GRM8: variants seen among roughly 807,000 people sequenced by gnomAD.
GRM8 encodes the protein glutamate metabotropic receptor 8.
GRM8 carries 47 observed loss-of-function variants against 87.2 expected under a neutral mutation model. The ratio of observed to expected loss-of-function variants is 0.54; its 90% confidence interval spans 0.43 to 0.69. The LOEUF is 0.69. GRM8 is among the 30% of genes least tolerant of loss of function. The pLI is 0.00. For synonymous variants in GRM8, 396 were observed against 404.5 expected (o/e 0.98, Z 0.25); for missense variants, 1,019 against 1,139.2 (o/e 0.89, Z 1.52).
At chr7:127,241,436 T>A (rs202209663) in intron 2 of GRM8, among the ~76,000 whole-genome samples, 1 of 140,710 alleles carries the variant, frequency 7.1e-6, no homozygotes, top group Admixed American at 7.4e-5. Context: ...CTTTTTTTTT[T>A]CTTTTTTTTT....
chr7:126,686,633 CCAGT>C (rs1163685666), intron 7 of GRM8, among the ~76,000 whole-genome samples: 3 of 152,328 alleles, frequency 2.0e-5, no homozygotes, highest in South Asian at 2.1e-4. Flanking sequence ...GCAGCAGCAG[CCAGT>C]GTGTCTTGCT....
chr7:126,984,458 G>C (rs1391911772), intron 3 of GRM8, among the ~76,000 whole-genome samples: 3 of 152,138 alleles, frequency 2.0e-5, no homozygotes, highest in Non-Finnish European at 4.4e-5. Context: ...TATAAAGTGG[G>C]CAGAAAAATG....
At chr7:126,837,676 C>G (rs1795928451) in intron 6 of GRM8, among the ~76,000 whole-genome samples, 1 of 152,212 alleles carries the variant, frequency 6.6e-6, no homozygotes, top group African/African-American at 2.4e-5. Flanking sequence ...GTGGTCTCAT[C>G]TTTTTTCACC....
intron 2 of GRM8, among the ~76,000 whole-genome samples, chr7:127,212,407 GTTATTT>G (rs1796263645): frequency 1.7e-5 from 2 of 118,422 alleles, no homozygotes; most frequent in Non-Finnish European, 1.7e-5. Flanking sequence ...AGGACATGGT[GTTATTT>G]TTTTTTTTTT....
In GRM8 at chr7:126,985,620, C is replaced by T. The variant is rs76919671; in HGVS notation, c.728-80937G>A. Among the ~76,000 whole-genome samples, 434 of 152,258 alleles carry T rather than the reference C, an allele frequency of 2.9e-3. 5 individuals are homozygous for T. Among genetic ancestry groups the T allele is most frequent in the African/African-American group, 1.0e-2 (415 of 41,528 alleles). ...AGGGACCATGTCTGGTGAGAGCCAT[C>T]TTGCTGGCAGGGATTCTCTGTGGGG... is the stretch of plus-strand genomic sequence containing the variant. On this transcript the variant is annotated intron_variant, in intron 3 of 10. Transcript: ENST00000339582.
intron 8 of GRM8, among the ~76,000 whole-genome samples, chr7:126,606,866 A>G (rs565843910): frequency 2.2e-4 from 34 of 152,348 alleles, no homozygotes; most frequent in African/African-American, 8.2e-4. Context: ...TAGGAAGTTT[A>G]TAACTACATT....
intron 3 of GRM8, among the ~76,000 whole-genome samples, chr7:127,006,969 C>A (rs1814382179): frequency 6.6e-6 from 1 of 151,942 alleles, no homozygotes; most frequent in Admixed American, 6.6e-5. Context: ...TTCTTAGTAA[C>A]AGTCTTTTAT....
chr7:127,055,941 C>T (rs939242033), intron 3 of GRM8, among the ~76,000 whole-genome samples: 2 of 152,130 alleles, frequency 1.3e-5, no homozygotes, highest in Admixed American at 6.5e-5. Flanking sequence ...ACAAATAAAT[C>T]TTCCCAATTT....
At chr7:127,133,448 GCAAA>G (rs1827792845) in intron 2 of GRM8, among the ~76,000 whole-genome samples, 3 of 150,774 alleles carry the variant, frequency 2.0e-5, no homozygotes, top group African/African-American at 7.3e-5. Flanking sequence ...CTCTAAAAAA[GCAAA>G]CAAAATCCCA....
At chr7:126,903,433 A>G (rs1314974054) in intron 5 of GRM8, among the ~76,000 whole-genome samples, 1 of 151,758 alleles carries the variant, frequency 6.6e-6, no homozygotes, top group Admixed American at 6.6e-5. Context: ...CCCTCCAACA[A>G]TGCTATAACC....
intron 7 of GRM8, among the ~76,000 whole-genome samples, chr7:126,697,887 C>T (rs1809546582): frequency 6.6e-6 from 1 of 152,154 alleles, no homozygotes; most frequent in African/African-American, 2.4e-5. Context: ...GCTGGAACCC[C>T]AAGTTCACTG....
intron 3 of GRM8, among the ~76,000 whole-genome samples, chr7:126,918,913 T>G (rs1804205672): frequency 6.6e-6 from 1 of 152,128 alleles, no homozygotes; most frequent in African/African-American, 2.4e-5. Context: ...GAACTGCAAA[T>G]GACAAAAGGA....
At chr7:127,059,019 A>C (rs1182529398) in intron 3 of GRM8, among the ~76,000 whole-genome samples, 1 of 152,224 alleles carries the variant, frequency 6.6e-6, no homozygotes, top group African/African-American at 2.4e-5. Context: ...AGGTGCTCAC[A>C]GAGCAATAAG....
intron 3 of GRM8, among the ~76,000 whole-genome samples, chr7:127,071,969 C>T (rs17869346): frequency 0.011 from 1,681 of 152,110 alleles, 26 homozygotes; most frequent in African/African-American, 0.038. Context: ...GCCACTGATA[C>T]CACTGAAATT....
At chr7:126,454,050 C>G (rs553067104) in intron 9 of GRM8, among the ~76,000 whole-genome samples, 1 of 151,724 alleles carries the variant, frequency 6.6e-6, no homozygotes, top group South Asian at 2.1e-4. Flanking sequence ...TAATTATTAT[C>G]ATTTGAACGG....
chr7:126,926,710 C>A (rs1805165943), intron 3 of GRM8, among the ~76,000 whole-genome samples: 1 of 152,194 alleles, frequency 6.6e-6, no homozygotes, highest in Non-Finnish European at 1.5e-5. Flanking sequence ...ATCAGTAACT[C>A]CACAACCATC....
At chr7:126,487,965 C>A (rs1255119436) in intron 9 of GRM8, among the ~76,000 whole-genome samples, 2 of 152,012 alleles carry the variant, frequency 1.3e-5, no homozygotes, top group Non-Finnish European at 2.9e-5. Context: ...ATCTGTCAGT[C>A]ATTCCTTCAA....
Position 126,440,370 on chromosome 7 carries a change from C to G in GRM8, c.2678-1202G>C, listed in dbSNP as rs1054697261. ...AGGTTCCAGTGAGCCGAGATCGCGCCACTGCACACCAGCCTAGGCAACAGA... is the reference window on the plus strand; with the variant it reads ...AGGTTCCAGTGAGCCGAGATCGCGCGACTGCACACCAGCCTAGGCAACAGA... On this transcript the variant is annotated intron_variant, in intron 10 of 10. Coordinates refer to ENST00000339582, the MANE Select transcript of GRM8 (RefSeq NM_000845.3). Among the ~76,000 whole-genome samples the G allele has an allele frequency of 2.4e-4, 32 of 133,242 alleles. 1 individual carries two copies. Among genetic ancestry groups the G allele is most frequent in the Admixed American group, 1.6e-3 (18 of 11,462 alleles). 87.4% of individuals were successfully genotyped at this position (133,242 alleles called of 152,430 possible).
chr7:126,696,901 T>C (rs1005022176), intron 7 of GRM8, among the ~76,000 whole-genome samples: 4 of 152,088 alleles, frequency 2.6e-5, no homozygotes, highest in Non-Finnish European at 5.9e-5. Flanking sequence ...AATCAGCACC[T>C]TGTAGAAATA....
Sources: gnomAD v4.1 joint callset for allele counts (sites outside exome capture counted in the v4.1 genomes callset) on GRCh38, gnomAD v4.1.1 for gene constraint, MANE v1.5 for transcripts, NCBI Gene and HGNC (gene_info 2026-07-23, HGNC 2026-07-21) for gene names.